Variants in CHAF1A observed in about 807,000 individuals in gnomAD.
The protein encoded by CHAF1A is chromatin assembly factor 1 subunit A, also known as CAF-1 subunit A.
In CHAF1A, 5 loss-of-function variants were observed where a neutral mutation model predicts 93.2. The ratio of observed to expected loss-of-function variants is 0.05; its 90% CI spans 0.03 to 0.11. CHAF1A has a LOEUF of 0.11. CHAF1A is among the 10% of genes least tolerant of loss of function. The pLI, the probability that CHAF1A is intolerant of heterozygous loss-of-function variation, is 1.00. For missense variants in CHAF1A, 1,102 were observed against 1,259.9 expected, an observed-to-expected ratio of 0.87 and a Z score of 1.90; for synonymous variants, 504 against 510.3, an observed-to-expected ratio of 0.99 and a Z score of 0.17.
chr19:4,430,622 A>G lies in CHAF1A; in HGVS notation c.1928A>G (p.Glu643Gly). 1 of 1,613,374 alleles carries G rather than the reference A, an allele frequency of 6.2e-7. No individual in the cohort carries two copies. Among genetic ancestry groups the G allele is most frequent in the South Asian group, 1.1e-5 (1 of 91,048 alleles). The change falls in exon 11 of 15, where the codon GAG becomes GGG. Residue 643 changes from glutamate (E) to glycine (G), a missense_variant. Transcript: ENST00000301280. Reference protein sequence around the residue: ...GFFVPHGYLSEDEGVTEECAD... With the variant: ...GFFVPHGYLSGDEGVTEECAD... The stretch of plus-strand genomic sequence containing the variant: ...TTTGTGCCCCATGGGTACCTGTCTG[A>G]GGACGAAGGTGTGACAGAGGTGAGG...
Position 4,443,278 on chromosome 19 carries a change from G to A in CHAF1A, c.*253G>A. 2.1e-6 allele frequency: 1 copy of A among 477,376 alleles called. No homozygotes were observed. The highest frequency in any genetic ancestry group is 3.9e-6 in the Non-Finnish European group (1 of 259,410). The allele number at this position is 477,376 out of a possible 1,614,324, so 29.6% of individuals were successfully genotyped here. A position where few individuals can be genotyped will look rare whatever the true frequency, so the allele number is the denominator to read the frequency against. On this transcript the variant is annotated 3_prime_UTR_variant, in exon 15 of 15. Coordinates refer to ENST00000301280, the MANE Select transcript of CHAF1A (RefSeq NM_005483.3). ...CCTATTGGGGAAGCCTGCGGGCACA[G>A]GAGCAGGCGTGGAATCCAATACTTG...
chr19:4,424,056 C>G (rs1047380256), intron 7 of CHAF1A, among the ~76,000 whole-genome samples, 182 bp downstream of exon 7: 7 of 152,146 alleles, frequency 4.6e-5, no homozygotes, highest in Non-Finnish European at 8.8e-5. Flanking sequence ...CGCTTTGTCC[C>G]AAAGAGGTAA....
chr19:4,408,432 T>C (rs1444829311), intron 2 of CHAF1A, among the ~76,000 whole-genome samples: 1 of 145,214 alleles, frequency 6.9e-6, no homozygotes, highest in African/African-American at 2.6e-5. Flanking sequence ...GACCTTGTGA[T>C]CCGCCTGCCT....
In CHAF1A at chr19:4,431,128, C is replaced by CT. The variant is rs1275892345; in HGVS notation, c.1947+502dup. 5.8e-3 allele frequency: 829 copies of CT among 143,890 alleles called. 4 individuals are homozygous for CT. The highest frequency in any genetic ancestry group is 8.8e-3 in the Admixed American group (127 of 14,364). The allele number at this position is 143,890 out of a possible 1,614,324, so 8.9% of individuals were successfully genotyped here. ...AGATTCCATAAGGTTGTGGAACTGT[C>CT]TTTTTTTTTTTTTTTCTTGAGACGG... On this transcript the variant is annotated intron_variant, in intron 11 of 14. Coordinates refer to ENST00000301280, the MANE Select transcript of CHAF1A (RefSeq NM_005483.3).
intron 7 of CHAF1A, among the ~76,000 whole-genome samples, chr19:4,425,835 G>A (rs987551411): frequency 3.9e-5 from 6 of 152,150 alleles, no homozygotes; most frequent in African/African-American, 7.2e-5. Flanking sequence ...GTACATTCCC[G>A]GCGATGTGTG....
downstream of CHAF1A, chr19:4,448,286 G>A (rs766246007): frequency 1.3e-6 from 2 of 1,561,880 alleles, no homozygotes; most frequent in South Asian, 2.3e-5. Context: ...GAGCTGGAGG[G>A]GCCAGGCAGG....
chr19:4,415,370 TCA>T (rs1330632279), intron 3 of CHAF1A, among the ~76,000 whole-genome samples: 14 of 152,208 alleles, frequency 9.2e-5, no homozygotes, highest in African/African-American at 3.4e-4. Context: ...ATCTCTGGAC[TCA>T]CAGCAGAGGG....
intron 2 of CHAF1A, among the ~76,000 whole-genome samples, chr19:4,406,231 G>T (rs745580874): frequency 6.6e-6 from 1 of 152,160 alleles, no homozygotes; most frequent in Non-Finnish European, 1.5e-5. Context: ...AGCATCCCTG[G>T]CCTCTTCCCA....
chr19:4,427,194 G>C (rs1974101031), intron 7 of CHAF1A, among the ~76,000 whole-genome samples: 1 of 113,446 alleles, frequency 8.8e-6, no homozygotes. Flanking sequence ...CTGTTGCCCA[G>C]GCTAGAGTAC....
chr19:4,408,482 T>TTTTTTTTTTTTTTTTTTTTTTTTTTC (rs1973726486), intron 2 of CHAF1A, among the ~76,000 whole-genome samples: 1 of 119,270 alleles, frequency 8.4e-6, no homozygotes, highest in Non-Finnish European at 1.7e-5. Flanking sequence ...TTTTTTTTTT[T>TTTTTTTTTTTTTTTTTTTTTTTTTTC]TTTTTTTTTG....
Position 4,422,337 on chromosome 19 carries a change from CAG to C in CHAF1A, c.1018-228_1018-227del, listed in dbSNP as rs1449256040. On this transcript the variant is annotated intron_variant, in intron 4 of 14. Coordinates refer to ENST00000301280, the MANE Select transcript of CHAF1A (RefSeq NM_005483.3). This position sits in a 1 kb window ranked among gnomAD's most constrained non-coding sequence, Gnocchi z 4.6. ...CCAATTTTTGTATTTTTAGTAGAGA[CAG>C]GGTTTCACCCTGTTGACCAGGCTGG... Among the ~76,000 whole-genome samples the C allele has an allele frequency of 1.3e-5, 2 of 151,464 alleles. No individual in the cohort carries two copies. Among genetic ancestry groups the C allele is most frequent in the Non-Finnish European group, 2.9e-5 (2 of 67,894 alleles).
downstream of CHAF1A, chr19:4,445,544 G>A: frequency 1.2e-6 from 2 of 1,613,948 alleles, no homozygotes; most frequent in Non-Finnish European, 1.7e-6. Flanking sequence ...TTTCAGGATG[G>A]AGTCCGGCTC....
Position 4,418,056 on chromosome 19 carries a change from A to G in CHAF1A, c.997A>G (p.Asn333Asp). The G allele has an allele frequency of 6.2e-7, 1 of 1,606,886 alleles. No homozygotes were observed. Among genetic ancestry groups the G allele is most frequent in the East Asian group, 2.2e-5 (1 of 44,664 alleles). Residue 333 changes from asparagine (N) to aspartate (D), a missense_variant, in exon 4 of 15, where the codon AAC becomes GAC. By Grantham distance (23) the Asn-to-Asp change is conservative. Transcript: ENST00000301280. Reference protein sequence around the residue: ...KKFVKGSTEKNKLRLQRDQER... With the variant: ...KKFVKGSTEKDKLRLQRDQER... ...ATTCGTCAAAGGCTCTACAGAGAAG[A>G]ACAAGCTCAGACTGCAAAGAGTAAG...
chr19:4,411,642 A>ACCTTTTTTTTT (rs1973800899), intron 3 of CHAF1A, among the ~76,000 whole-genome samples: 1 of 38,066 alleles, frequency 2.6e-5, no homozygotes, highest in African/African-American at 9.4e-5. Flanking sequence ...AATGGTGCAA[A>ACCTTTTTTTTT]TCTTTTTTTT....
chr19:4,427,317 T>G (rs1974103515), intron 7 of CHAF1A, among the ~76,000 whole-genome samples: 3 of 136,144 alleles, frequency 2.2e-5, no homozygotes, highest in African/African-American at 8.3e-5. Context: ...GCCAAGCTAA[T>G]TTTTGTTTTG....
In CHAF1A at chr19:4,422,589, G is replaced by A. The variant is rs1173815182; in HGVS notation, c.1041G>A (p.Gln347=). The part of the protein sequence containing the change: ...LQRDQERLGK[Q]LKLRAEREEK... ...AGGATCAGGAGCGTCTGGGCAAGCA[G>A]CTCAAGTTACGTGCAGAAAGGGAAG... is the stretch of plus-strand genomic sequence containing the variant. Residue 347 remains glutamine, a synonymous_variant, in exon 5 of 15, where the codon CAG becomes CAA. Coordinates refer to ENST00000301280, the MANE Select transcript of CHAF1A (RefSeq NM_005483.3). The surrounding 1 kb of genome is among the most constrained non-coding windows in gnomAD (Gnocchi z 4.6). 7 of 1,571,468 alleles carry A rather than the reference G, an allele frequency of 4.5e-6. No homozygotes were observed. Among genetic ancestry groups the A allele is most frequent in the Non-Finnish European group, 6.0e-6 (7 of 1,158,526 alleles).
In CHAF1A at chr19:4,443,288, T is replaced by C; in HGVS notation, c.*263T>C. 2.2e-6 allele frequency: 1 copy of C among 458,958 alleles called. No homozygotes were observed. The highest frequency in any genetic ancestry group is 3.4e-5 in the Admixed American group (1 of 29,404). The allele number at this position is 458,958 out of a possible 1,614,324, so 28.4% of individuals were successfully genotyped here. ...AAGCCTGCGGGCACAGGAGCAGGCG[T>C]GGAATCCAATACTTGTAAATGAATT... On this transcript the variant is annotated 3_prime_UTR_variant, in exon 15 of 15. Coordinates refer to ENST00000301280, the MANE Select transcript of CHAF1A (RefSeq NM_005483.3).
At chr19:4,443,506 C>A, downstream of CHAF1A, 1 of 175,026 alleles carries the variant, frequency 5.7e-6, no homozygotes. Flanking sequence ...TTGTGCCCTG[C>A]AACAGCACCG....
Position 4,420,578 on chromosome 19 carries a change from C to CT in CHAF1A, c.1018-1987dup, listed in dbSNP as rs552073584. On this transcript the variant is annotated intron_variant, in intron 4 of 14. Coordinates refer to ENST00000301280, the MANE Select transcript of CHAF1A (RefSeq NM_005483.3). ...CATTGAACTTCAGATTACGTAATGACTGAGTGTCCCAGGCCACTGCCAAGT... is the reference window on the plus strand; with the variant it reads ...CATTGAACTTCAGATTACGTAATGACTTGAGTGTCCCAGGCCACTGCCAAGT... Among the ~76,000 whole-genome samples the CT allele has an allele frequency of 5.9e-5, 9 of 152,288 alleles. No homozygotes were observed. In the South Asian group the frequency reaches 1.9e-3, roughly 32 times the overall value.
Sources: gnomAD v4.1 joint callset for allele counts (sites outside exome capture counted in the v4.1 genomes callset) on GRCh38, gnomAD v4.1.1 for gene constraint, Gnocchi (gnomAD v3.1) non-coding constraint, MANE v1.5 for transcripts, NCBI Gene and HGNC (gene_info 2026-07-23, HGNC 2026-07-21) for gene names.